TSHZ3: variants seen among roughly 807,000 people sequenced by gnomAD.
TSHZ3 encodes the protein teashirt zinc finger homeobox 3.
TSHZ3 carries 10 observed loss-of-function variants against 64.5 expected under a neutral mutation model. The observed-to-expected ratio is 0.16, with a 90% confidence interval of 0.10 to 0.26. TSHZ3 has a LOEUF of 0.26. Ranked by LOEUF, TSHZ3 falls within the 10% of genes least tolerant of loss-of-function variation. The pLI is 1.00. For synonymous variants in TSHZ3, 608 were observed against 593.1 expected, an observed-to-expected ratio of 1.03 and a Z score of -0.36; for missense variants, 1,242 against 1,421.7, an observed-to-expected ratio of 0.87 and a Z score of 2.03.
intron 6 of TSHZ3, among the ~76,000 whole-genome samples, chr19:31,156,259 G>A (rs560467378): frequency 2.0e-5 from 3 of 152,180 alleles, no homozygotes; most frequent in Non-Finnish European, 4.4e-5. Context: ...CACGTAATAG[G>A]TATTCAATAA....
chr19:31,215,417 G>A (rs1975313187), intron 4 of TSHZ3, among the ~76,000 whole-genome samples: 1 of 152,144 alleles, frequency 6.6e-6, no homozygotes. Context: ...TGGTATAAGT[G>A]TATACAAGAA....
Position 31,279,452 on chromosome 19 carries a change from C to A in TSHZ3, c.341G>T (p.Ser114Ile). ...GTACACGGCCTTCATCTGCTCCAGG[C>A]TATCCGACACAGTCGTGTCTTCCAG... ...VPLEDTTVSD[S>I]LEQMKAVYNN... The change falls in exon 2 of 2, where the codon AGC (serine) becomes ATC (isoleucine). Residue 114 changes from serine to isoleucine, a missense_variant. Physicochemically the swap from Ser to Ile is moderately radical, Grantham distance 142. Around this residue, in one of 4 missense-constraint regions of TSHZ3, gnomAD observed 555 missense variants for 704.0 expected, o/e 0.79. Transcript: ENST00000240587. The surrounding 1 kb of genome is among the most constrained non-coding windows in gnomAD (Gnocchi z 6.4). 1.9e-6 allele frequency: 3 copies of A among 1,614,228 alleles called. No homozygotes were observed. Among genetic ancestry groups the A allele is most frequent in the Non-Finnish European group, 2.5e-6 (3 of 1,180,038 alleles).
At chr19:31,264,592 T>A (rs577669387) in intron 1 of TSHZ3, among the ~76,000 whole-genome samples, 4 of 152,316 alleles carry the variant, frequency 2.6e-5, no homozygotes, top group Non-Finnish European at 5.9e-5. Context: ...TGCTGCCCGG[T>A]TCCAGCCACC....
At position 31,173,876 on chromosome 19, in the gene TSHZ3, C is replaced by A. The variant is rs185780205; in HGVS notation, n.810-17459G>T. Among the ~76,000 whole-genome samples, 4 of 152,258 alleles carry A rather than the reference C, an allele frequency of 2.6e-5. No homozygotes were observed. In the South Asian group the frequency reaches 8.3e-4, roughly 32 times the overall value. Reference sequence around the variant, plus strand: ...TTTGAGGTTAGGAGCTCGAGACCAGCTTTGCCAACATGGTGAAACCCCGTC... The same window carrying A: ...TTTGAGGTTAGGAGCTCGAGACCAGATTTGCCAACATGGTGAAACCCCGTC... On this transcript the variant is annotated intron_variant and non_coding_transcript_variant, in intron 5 of 6. Coordinates refer to the TSHZ3 transcript ENST00000651361.
intron 1 of TSHZ3, among the ~76,000 whole-genome samples, chr19:31,330,692 G>A (rs1214446770): frequency 8.5e-6 from 1 of 118,006 alleles, no homozygotes; most frequent in Non-Finnish European, 1.8e-5. Context: ...GGAGCCAAGT[G>A]CTGTTTAATC....
In TSHZ3 at chr19:31,151,933, TTTAA is replaced by T. The variant is rs1409491611; in HGVS notation, n.872-193_872-190del. Reference sequence around the variant, plus strand: ...TGATAATTTAAAGTGGTGACAATAGTTTAATTATTCACACACACACAAAAGTTAA... The same window carrying T: ...TGATAATTTAAAGTGGTGACAATAGTTTATTCACACACACACAAAAGTTAA... On this transcript the variant is annotated intron_variant and non_coding_transcript_variant, in intron 6 of 6. Coordinates refer to the TSHZ3 transcript ENST00000651361. 2.0e-5 allele frequency among the ~76,000 whole-genome samples: 3 copies of T among 152,176 alleles called. No individual in the cohort carries two copies. In the East Asian group the frequency reaches 5.8e-4, roughly 29 times the overall value.
intron 4 of TSHZ3, among the ~76,000 whole-genome samples, chr19:31,225,443 T>C (rs1214049629): frequency 2.0e-5 from 3 of 152,324 alleles, no homozygotes. Context: ...TGCATTTCGT[T>C]CACCAACCCT....
chr19:31,192,778 G>A (rs1426936434), intron 5 of TSHZ3, among the ~76,000 whole-genome samples: 2 of 152,156 alleles, frequency 1.3e-5, no homozygotes, highest in East Asian at 1.9e-4. Flanking sequence ...ACACTGCAGA[G>A]GAAATCGTGA....
At chr19:31,290,850 G>T (rs956747696) in intron 1 of TSHZ3, among the ~76,000 whole-genome samples, 1 of 152,128 alleles carries the variant, frequency 6.6e-6, no homozygotes, top group African/African-American at 2.4e-5. Context: ...GCAGAAGGCT[G>T]GCCATGGCGG....
chr19:31,237,976 T>A (rs8105457), intron 3 of TSHZ3, among the ~76,000 whole-genome samples: 50,378 of 152,098 alleles, frequency 0.33, 9,850 homozygotes, highest in Non-Finnish European at 0.44. Flanking sequence ...CTGACTGCAA[T>A]GTTATTAATT....
intron 1 of TSHZ3, among the ~76,000 whole-genome samples, chr19:31,314,646 G>A (rs1916554672): frequency 1.3e-5 from 2 of 152,228 alleles, no homozygotes; most frequent in African/African-American, 4.8e-5. Context: ...TTATTCATAT[G>A]TGAGTGCATA....
At chr19:31,221,752 C>T (rs1975397145) in intron 4 of TSHZ3, among the ~76,000 whole-genome samples, 1 of 152,194 alleles carries the variant, frequency 6.6e-6, no homozygotes, top group South Asian at 2.1e-4. Context: ...TTAGCATTAA[C>T]ACGGTATCTG....
chr19:31,224,189 T>C (rs1368391108), intron 4 of TSHZ3, among the ~76,000 whole-genome samples: 1 of 152,228 alleles, frequency 6.6e-6, no homozygotes, highest in Non-Finnish European at 1.5e-5. Flanking sequence ...TAAATAAGGT[T>C]TACCATTTGT....
At chr19:31,340,087 T>C (rs1391685439) in intron 1 of TSHZ3, among the ~76,000 whole-genome samples, 2 of 151,916 alleles carry the variant, frequency 1.3e-5, no homozygotes, top group African/African-American at 4.8e-5. Context: ...CAGACAGCCA[T>C]GAGCCGCCTC....
At chr19:31,160,488 C>T (rs1383322118) in intron 5 of TSHZ3, among the ~76,000 whole-genome samples, 1 of 152,178 alleles carries the variant, frequency 6.6e-6, no homozygotes, top group Non-Finnish European at 1.5e-5. Flanking sequence ...TGAGGCAGCC[C>T]TCCAAATGGG....
At chr19:31,184,319 C>T (rs958714388) in intron 5 of TSHZ3, among the ~76,000 whole-genome samples, 4 of 152,106 alleles carry the variant, frequency 2.6e-5, no homozygotes, top group Admixed American at 6.5e-5. Context: ...ACAAAAACTG[C>T]GAGATTAAAT....
At chr19:31,283,587 T>C (rs1040438595) in intron 1 of TSHZ3, among the ~76,000 whole-genome samples, 29 of 152,152 alleles carry the variant, frequency 1.9e-4, no homozygotes, top group Non-Finnish European at 4.0e-4. Flanking sequence ...AGGCCTCTAT[T>C]TCCTTCTTTG....
chr19:31,262,937 T>C (rs772312602), intron 1 of TSHZ3, among the ~76,000 whole-genome samples: 4 of 152,218 alleles, frequency 2.6e-5, no homozygotes, highest in Non-Finnish European at 5.9e-5. Flanking sequence ...GCTGCGGACA[T>C]GTGGGTGTTG....
chr19:31,184,114 A>AG (rs1974767550), intron 5 of TSHZ3, among the ~76,000 whole-genome samples: 1 of 152,198 alleles, frequency 6.6e-6, no homozygotes, highest in Non-Finnish European at 1.5e-5. Flanking sequence ...AATATGTAAA[A>AG]GGGTAGAGGT....
Sources: gnomAD v4.1 joint callset for allele counts (sites outside exome capture counted in the v4.1 genomes callset) on GRCh38, gnomAD v4.1.1 for gene constraint, gnomAD v4.1.1 regional missense constraint, Gnocchi (gnomAD v3.1) non-coding constraint, MANE v1.5 for transcripts, NCBI Gene and HGNC (gene_info 2026-07-23, HGNC 2026-07-21) for gene names.